Variants in COL22A1 observed in about 807,000 individuals in gnomAD.
COL22A1 encodes the protein collagen type XXII alpha 1 chain.
Under a neutral mutation model 248.9 loss-of-function variants are expected in COL22A1, and 221 were observed. The ratio of observed to expected loss-of-function variants is 0.89; its 90% CI spans 0.80 to 0.99. The LOEUF (loss-of-function observed/expected upper bound fraction) is 0.99, where lower values mean the gene tolerates loss of function less well. Among genes scored for constraint, COL22A1 ranks in the 50% least tolerant of loss-of-function variants. The probability of loss-of-function intolerance (pLI) is 0.00; values close to 1 mark genes in which losing one functional copy is unlikely to be tolerated. For synonymous variants in COL22A1, 891 were observed against 793.4 expected, an observed-to-expected ratio of 1.12 and a Z score of -2.07; for missense variants, 2,240 against 2,179.0, an observed-to-expected ratio of 1.03 and a Z score of -0.56.
rs146166807 is a variant in COL22A1, at chr8:138,783,480, C to T, written c.1597-2500G>A. 2.8e-3 allele frequency among the ~76,000 whole-genome samples: 420 copies of T among 152,142 alleles called. 5 individuals are homozygous for T. Among genetic ancestry groups the T allele is most frequent in the African/African-American group, 8.7e-3 (361 of 41,480 alleles). ...GAAAGATGGAGGCTAAGAGGCTGGG[C>T]CAGTCTCTCCTTCCACATTTTTCTG... On this transcript the variant is annotated intron_variant, in intron 12 of 64. Transcript: ENST00000303045.
At chr8:138,590,174 T>C (rs1020285663) in intron 64 of COL22A1, among the ~76,000 whole-genome samples, 2 of 152,220 alleles carry the variant, frequency 1.3e-5, no homozygotes, top group Non-Finnish European at 2.9e-5. Context: ...CTAAGCCTTG[T>C]GGTTAACCCT....
intron 1 of COL22A1, among the ~76,000 whole-genome samples, chr8:138,908,183 C>T (rs4736054): frequency 0.15 from 23,339 of 152,184 alleles, 2,261 homozygotes; most frequent in Middle Eastern, 0.29. Flanking sequence ...TGCAGTACCT[C>T]CTAAGAGCCA....
chr8:138,801,426 T>A lies in COL22A1; in HGVS notation c.1557+1446A>T, dbSNP rs527760377. The stretch of plus-strand genomic sequence containing the variant: ...GCAACAATGTGGGGTGCTGAGGGAA[T>A]TGCATTTGCCATGCTAATTCTTCTA... On this transcript the variant is annotated intron_variant, in intron 11 of 64. Coordinates refer to ENST00000303045, the MANE Select transcript of COL22A1 (RefSeq NM_152888.3). Among the ~76,000 whole-genome samples, 165 of 152,278 alleles carry A rather than the reference T, an allele frequency of 1.1e-3. 1 individual carries two copies. The highest frequency in any genetic ancestry group is 3.9e-3 in the African/African-American group (160 of 41,548).
chr8:138,627,995 C>A (rs1384822002), intron 50 of COL22A1, among the ~76,000 whole-genome samples: 1 of 152,022 alleles, frequency 6.6e-6, no homozygotes, highest in African/African-American at 2.4e-5. Flanking sequence ...AGATAAGATA[C>A]CTACAAAAGG....
intron 3 of COL22A1, among the ~76,000 whole-genome samples, chr8:138,865,557 GTA>G (rs1822803038): frequency 6.7e-6 from 1 of 150,160 alleles, no homozygotes. Flanking sequence ...GCCTGTGAGT[GTA>G]TGTGTGTGTA....
chr8:138,624,270 C>A (rs1310318947), intron 51 of COL22A1, among the ~76,000 whole-genome samples: 4 of 152,126 alleles, frequency 2.6e-5, no homozygotes, highest in Non-Finnish European at 5.9e-5. Flanking sequence ...CAGCAAGGAG[C>A]ACGTTTGGGT....
At chr8:138,699,512 C>G (rs1827780548) in intron 32 of COL22A1, among the ~76,000 whole-genome samples, 1 of 152,216 alleles carries the variant, frequency 6.6e-6, no homozygotes, top group Non-Finnish European at 1.5e-5. Flanking sequence ...CCTGAAAACA[C>G]CTATTTTCTG....
chr8:138,662,567 G>C (rs975299936), intron 42 of COL22A1, among the ~76,000 whole-genome samples: 2 of 152,178 alleles, frequency 1.3e-5, no homozygotes, highest in African/African-American at 4.8e-5. Flanking sequence ...GACAACATCA[G>C]GAAACGGCAC....
chr8:138,704,087 G>A (rs561103038), intron 30 of COL22A1, among the ~76,000 whole-genome samples: 19 of 152,302 alleles, frequency 1.2e-4, no homozygotes, highest in Admixed American at 3.9e-4. Context: ...AGGGGCGCCC[G>A]CCATTGCTGA....
chr8:138,699,911 C>G (rs1827812640), intron 32 of COL22A1, among the ~76,000 whole-genome samples: 1 of 152,238 alleles, frequency 6.6e-6, no homozygotes, highest in Non-Finnish European at 1.5e-5. Flanking sequence ...CTGGAATGTC[C>G]TGCCTGACCC....
Position 138,679,692 on chromosome 8 carries a change from C to T in COL22A1, c.3013-16G>A, listed in dbSNP as rs781460879. 2 of 1,612,536 alleles carry T rather than the reference C, an allele frequency of 1.2e-6. No individual in the cohort carries two copies. Among genetic ancestry groups the T allele is most frequent in the Admixed American group, 3.3e-5 (2 of 60,010 alleles). On this transcript the variant is annotated splice_polypyrimidine_tract_variant and intron_variant, in intron 39 of 64. Coordinates refer to ENST00000303045, the MANE Select transcript of COL22A1 (RefSeq NM_152888.3). ...CGCAAGCAGCCTGAAAGTAGAAAAT[C>T]TTCACTCATTTCTTCACCAAACAAA...
chr8:138,818,710 C>G (rs898944400), intron 7 of COL22A1, among the ~76,000 whole-genome samples: 1 of 152,228 alleles, frequency 6.6e-6, no homozygotes, highest in Non-Finnish European at 1.5e-5. Flanking sequence ...GGTAAAGGAG[C>G]ACTTTAGTGC....
chr8:138,762,367 CTGACCGCTGA>C, intron 17 of COL22A1, 36 bp downstream of exon 17: 1 of 1,590,944 alleles, frequency 6.3e-7, no homozygotes, highest in Non-Finnish European at 8.6e-7. Flanking sequence ...TTCCCATCCT[CTGACCGCTGA>C]TGAAACCTAG....
chr8:138,799,781 C>G (rs56859739), intron 11 of COL22A1, among the ~76,000 whole-genome samples: 2,103 of 152,300 alleles, frequency 0.014, 58 homozygotes, highest in African/African-American at 0.048. Context: ...TCTGATCAAA[C>G]TGAATCAGGT....
chr8:138,743,075 TTGATGG>T (rs1188239344), intron 22 of COL22A1, among the ~76,000 whole-genome samples: 3 of 136,334 alleles, frequency 2.2e-5, no homozygotes, highest in East Asian at 2.3e-4. Flanking sequence ...GATGGTGGAG[TTGATGG>T]TGATGGTGAT....
chr8:138,604,981 G>A (rs751593520), intron 58 of COL22A1, among the ~76,000 whole-genome samples: 4 of 152,132 alleles, frequency 2.6e-5, no homozygotes, highest in Non-Finnish European at 4.4e-5. Flanking sequence ...GAAGAGCCAC[G>A]GGTTAAGAGC....
chr8:138,737,007 G>T (rs1831166121), intron 23 of COL22A1, among the ~76,000 whole-genome samples: 1 of 152,106 alleles, frequency 6.6e-6, no homozygotes, highest in Non-Finnish European at 1.5e-5. Flanking sequence ...ACTCTCACTG[G>T]GTTCATCTTC....
chr8:138,715,544 G>A (rs905365360), intron 30 of COL22A1, 138 bp downstream of exon 30: 9 of 629,000 alleles, frequency 1.4e-5, no homozygotes, highest in South Asian at 8.9e-5. Context: ...ACTCCCGCTT[G>A]GATGACAGAG....
chr8:138,827,791 T>G (rs973914522), intron 5 of COL22A1, among the ~76,000 whole-genome samples: 1 of 149,196 alleles, frequency 6.7e-6, no homozygotes, highest in Admixed American at 6.8e-5. Context: ...TGCTCTTCCA[T>G]CTTCCTCTGT....
Sources: allele counts gnomAD v4.1 joint callset (sites outside exome capture counted in the v4.1 genomes callset), GRCh38; gene constraint gnomAD v4.1.1; transcripts MANE v1.5; gene names NCBI Gene and HGNC (gene_info 2026-07-23, HGNC 2026-07-21).